Variants in AP2A2 observed in about 807,000 individuals in gnomAD.
AP2A2 encodes the protein adaptor related protein complex 2 subunit alpha 2, also known as AP-2 complex subunit alpha-2.
A neutral mutation model predicts 104.2 loss-of-function variants in AP2A2; 32 were observed. That is an observed-to-expected ratio of 0.31 (90% CI 0.23 to 0.41). The LOEUF (loss-of-function observed/expected upper bound fraction) is 0.41. AP2A2 is among the 10% of genes least tolerant of loss of function. The pLI, the probability that AP2A2 is intolerant of heterozygous loss-of-function variation, is 1.00. For synonymous variants in AP2A2, 539 were observed against 533.3 expected, an observed-to-expected ratio of 1.01 and a Z score of -0.15; for missense variants, 912 against 1,261.0, an observed-to-expected ratio of 0.72 and a Z score of 4.19.
chr11:982,141 C>G (rs1208594984), intron 6 of AP2A2, among the ~76,000 whole-genome samples: 1 of 152,236 alleles, frequency 6.6e-6, no homozygotes, highest in Non-Finnish European at 1.5e-5. Context: ...ACCTCTGTCT[C>G]CTGGATTCAA....
intron 2 of AP2A2, among the ~76,000 whole-genome samples, chr11:965,430 G>A (rs1854581501): frequency 6.6e-6 from 1 of 152,226 alleles, no homozygotes; most frequent in Admixed American, 6.5e-5. Flanking sequence ...CAAGAAGACT[G>A]TAGGCCCAAA....
At chr11:962,321 G>A (rs1854468936) in intron 2 of AP2A2, among the ~76,000 whole-genome samples, 1 of 152,256 alleles carries the variant, frequency 6.6e-6, no homozygotes, top group Non-Finnish European at 1.5e-5. Context: ...ATTGTGAAAA[G>A]AGTTCATGGC....
At chr11:950,272 C>CA (rs1184478233) in intron 1 of AP2A2, among the ~76,000 whole-genome samples, 1 of 147,132 alleles carries the variant, frequency 6.8e-6, no homozygotes, top group Non-Finnish European at 1.5e-5. Flanking sequence ...AGACTCCTAC[C>CA]AAAAAAACAG....
In AP2A2 at chr11:1,012,063, T is replaced by C. The variant is rs1008731933; in HGVS notation, c.*1438T>C. ...TCATGTTCCAGCTGCTGGGCAGTGC[T>C]CTGCCTGTGTGCTGCGCCTGCAGGC... On this transcript the variant is annotated 3_prime_UTR_variant, in exon 22 of 22. Transcript: ENST00000448903. The C allele has an allele frequency of 1.3e-5, 2 of 154,758 alleles. No homozygotes were observed. Among genetic ancestry groups the C allele is most frequent in the Non-Finnish European group, 2.9e-5 (2 of 69,964 alleles). 9.6% of individuals were successfully genotyped at this position (154,758 alleles called of 1,614,324 possible).
Position 968,823 on chromosome 11 carries a change from AT to A in AP2A2, c.137-1343del. ...GAGGAACCAGGTCGGGTCTGCTTTT[AT>A]TTATATCATCTGGTCTTTTAAATTA... On this transcript the variant is annotated intron_variant, in intron 2 of 21. Coordinates refer to ENST00000448903, the MANE Select transcript of AP2A2 (RefSeq NM_012305.4). The surrounding 1 kb of genome is among the most constrained non-coding windows in gnomAD (Gnocchi z 4.2). Among the ~76,000 whole-genome samples the A allele has an allele frequency of 6.6e-6, 1 of 152,090 alleles. No homozygotes were observed. The highest frequency in any genetic ancestry group is 1.5e-5 in the Non-Finnish European group (1 of 68,002).
chr11:1,008,387 G>T, intron 18 of AP2A2: 1 of 477,134 alleles, frequency 2.1e-6, no homozygotes. Flanking sequence ...GATCTTTCTG[G>T]GCACCATGGG....
intron 6 of AP2A2, among the ~76,000 whole-genome samples, chr11:981,595 G>A (rs1388736614): frequency 2.6e-5 from 4 of 152,216 alleles, no homozygotes; most frequent in Non-Finnish European, 5.9e-5. Flanking sequence ...CCCACCATCT[G>A]GCGTGCACGC....
chr11:971,747 A>T lies in AP2A2; in HGVS notation c.280-315A>T, dbSNP rs371543930. 3.9e-5 allele frequency among the ~76,000 whole-genome samples: 6 copies of T among 152,316 alleles called. No homozygotes were observed. In the East Asian group the frequency reaches 1.2e-3, roughly 29 times the overall value. On this transcript the variant is annotated intron_variant, in intron 3 of 21. Transcript: ENST00000448903. ...ATAGTGTGATGTCCGGAACACTCAGACGCGTGGCCCACAGTGAAGTGAGTG... is the reference window on the plus strand; with the variant it reads ...ATAGTGTGATGTCCGGAACACTCAGTCGCGTGGCCCACAGTGAAGTGAGTG...
At chr11:989,808 A>C (rs1216392388) in intron 10 of AP2A2, among the ~76,000 whole-genome samples, 3 of 152,176 alleles carry the variant, frequency 2.0e-5, no homozygotes, top group African/African-American at 7.2e-5. Context: ...TTTAAGGGGG[A>C]GGCCCGGTGT....
intron 1 of AP2A2, chr11:932,623 C>T: frequency 2.2e-6 from 1 of 449,424 alleles, no homozygotes; most frequent in Non-Finnish European, 4.5e-6. Context: ...AATGTGTGTT[C>T]CTTAGAAACC....
At chr11:995,299 A>G (rs1032609814) in intron 14 of AP2A2, 5 of 455,816 alleles carry the variant, frequency 1.1e-5, no homozygotes, top group African/African-American at 1.0e-4. Flanking sequence ...ATGCGATGAG[A>G]ATAATCCTGT....
intron 2 of AP2A2, among the ~76,000 whole-genome samples, chr11:969,481 C>T (rs947565982): frequency 2.0e-5 from 3 of 152,118 alleles, no homozygotes; most frequent in Admixed American, 6.5e-5. Context: ...CTGCCTCGGC[C>T]TCCCAAAGTT....
chr11:1,007,537 GTCACTGTTTCT>G (rs1040553733), intron 17 of AP2A2: 1 of 184,816 alleles, frequency 5.4e-6, no homozygotes, highest in Non-Finnish European at 1.1e-5. Flanking sequence ...CTTTGCTGCT[GTCACTGTTTCT>G]TCAGGAGAGG....
chr11:1,001,897 G>A (rs368923665), intron 15 of AP2A2, among the ~76,000 whole-genome samples: 6 of 152,332 alleles, frequency 3.9e-5, no homozygotes, highest in Admixed American at 1.3e-4. Context: ...GCATGCGGCC[G>A]TCTTGGCTTT....
chr11:955,884 T>G (rs1047922436), intron 1 of AP2A2, among the ~76,000 whole-genome samples: 1 of 152,232 alleles, frequency 6.6e-6, no homozygotes, highest in Non-Finnish European at 1.5e-5. Context: ...GGGTGAGCTC[T>G]TTGTCCTCTG....
intron 1 of AP2A2, among the ~76,000 whole-genome samples, chr11:951,463 G>A (rs536297019): frequency 4.3e-4 from 66 of 152,010 alleles, no homozygotes; most frequent in Non-Finnish European, 8.4e-4. Flanking sequence ...GGAGGTGGAG[G>A]TTGCAGTGAG....
intron 5 of AP2A2, among the ~76,000 whole-genome samples, chr11:980,725 T>C (rs538029104): frequency 1.3e-5 from 2 of 152,350 alleles, no homozygotes; most frequent in South Asian, 2.1e-4. Flanking sequence ...AAAAGGAGAA[T>C]GGAAAAGGAC....
At chr11:933,783 A>C (rs11246344) in intron 1 of AP2A2, among the ~76,000 whole-genome samples, 72,837 of 151,948 alleles carry the variant, frequency 0.48, 18,386 homozygotes, top group Middle Eastern at 0.65. Context: ...ATGCTTCTGT[A>C]TTCAGACATG....
intron 1 of AP2A2, among the ~76,000 whole-genome samples, chr11:950,800 A>C (rs1175583286): frequency 6.6e-6 from 1 of 152,128 alleles, no homozygotes; most frequent in Non-Finnish European, 1.5e-5. Context: ...AAAATTGATG[A>C]AGTGTTAGGG....
Sources: gnomAD v4.1 joint callset for allele counts (sites outside exome capture counted in the v4.1 genomes callset) on GRCh38, gnomAD v4.1.1 for gene constraint, Gnocchi (gnomAD v3.1) non-coding constraint, MANE v1.5 for transcripts, NCBI Gene and HGNC (gene_info 2026-07-23, HGNC 2026-07-21) for gene names.